CD226: variants seen among roughly 807,000 people sequenced by gnomAD.
CD226 encodes the protein CD226 antigen.
In CD226, 24 loss-of-function variants were observed where a neutral mutation model predicts 34.9. The ratio of observed to expected loss-of-function variants is 0.69; its 90% CI spans 0.50 to 0.97. CD226 has a LOEUF of 0.97. Among genes scored for constraint, CD226 ranks in the 50% least tolerant of loss-of-function variants. CD226 has a pLI of 0.00. For synonymous variants in CD226, 148 were observed against 147.4 expected (o/e 1.00, Z -0.03); for missense variants, 397 against 412.7 (o/e 0.96, Z 0.33).
intron 3 of CD226, among the ~76,000 whole-genome samples, chr18:69,895,124 G>A (rs1985191186): frequency 1.3e-5 from 2 of 152,142 alleles, no homozygotes; most frequent in Admixed American, 1.3e-4. Context: ...TTGGGGATCT[G>A]CAAGGTCAAA....
chr18:69,877,895 T>C (rs1373412289), intron 3 of CD226, among the ~76,000 whole-genome samples: 1 of 152,198 alleles, frequency 6.6e-6, no homozygotes, highest in Non-Finnish European at 1.5e-5. Context: ...TCCAGAGACA[T>C]TTCAATCTAG....
chr18:69,920,508 C>A (rs1324185512), intron 2 of CD226, among the ~76,000 whole-genome samples: 1 of 152,208 alleles, frequency 6.6e-6, no homozygotes, highest in Non-Finnish European at 1.5e-5. Context: ...TTTTTACTTA[C>A]ATGAAAATTC....
intron 2 of CD226, among the ~76,000 whole-genome samples, chr18:69,896,540 A>G (rs535694556): frequency 2.0e-5 from 3 of 152,090 alleles, no homozygotes; most frequent in Non-Finnish European, 2.9e-5. Flanking sequence ...TTTGTTTTTA[A>G]GTCCGGGAGA....
At chr18:69,879,223 C>A (rs563452218) in intron 3 of CD226, among the ~76,000 whole-genome samples, 1 of 152,108 alleles carries the variant, frequency 6.6e-6, no homozygotes, top group Non-Finnish European at 1.5e-5. Flanking sequence ...TAACAGGGTT[C>A]AAGAGCAGAG....
Position 69,864,209 on chromosome 18 carries a change from C to A in CD226, c.*105G>T. 1.1e-6 allele frequency: 1 copy of A among 928,866 alleles called. No individual in the cohort carries two copies. The highest frequency in any genetic ancestry group is 1.7e-5 in the South Asian group (1 of 58,508). The allele number at this position is 928,866 out of a possible 1,614,324, so 57.5% of individuals were successfully genotyped here. A position where few individuals can be genotyped will look rare whatever the true frequency, so the allele number is the denominator to read the frequency against. ...TCCTATCAAAGTAACTCAATTCAGACAACTAGTATCTAAGGTAGACCTTGG... is the reference window on the plus strand; with the variant it reads ...TCCTATCAAAGTAACTCAATTCAGAAAACTAGTATCTAAGGTAGACCTTGG... On this transcript the variant is annotated 3_prime_UTR_variant, in exon 6 of 6. Coordinates refer to ENST00000582621, the MANE Select transcript of CD226 (RefSeq NM_001303618.2).
At chr18:69,904,101 G>A (rs1394071210) in intron 2 of CD226, among the ~76,000 whole-genome samples, 4 of 152,096 alleles carry the variant, frequency 2.6e-5, no homozygotes, top group African/African-American at 9.7e-5. Flanking sequence ...CTAAAAGACC[G>A]CTTAACTGAA....
intron 2 of CD226, among the ~76,000 whole-genome samples, chr18:69,928,201 C>G (rs1175454002): frequency 6.6e-6 from 1 of 152,218 alleles, no homozygotes; most frequent in Non-Finnish European, 1.5e-5. Context: ...GGCAGCTGTT[C>G]TATTCTACTT....
chr18:69,898,692 T>C (rs916858850), intron 2 of CD226, among the ~76,000 whole-genome samples: 1 of 152,272 alleles, frequency 6.6e-6, no homozygotes, highest in Middle Eastern at 3.4e-3. Flanking sequence ...ACAGAGTAAC[T>C]GATTGGTGTT....
rs1982584365 is a variant in CD226, at chr18:69,855,460, A to C, written c.*8854T>G. On this transcript the variant is annotated 3_prime_UTR_variant, in exon 6 of 6. Transcript: ENST00000582621. ...AGGCCAATAGAAACTTTTCAAACTAAAATTCAAAGAGTGGGAAAAACCCAG... is the reference window on the plus strand; with the variant it reads ...AGGCCAATAGAAACTTTTCAAACTACAATTCAAAGAGTGGGAAAAACCCAG... The C allele has an allele frequency of 6.6e-6, 1 of 152,244 alleles. No homozygotes were observed. Among genetic ancestry groups the C allele is most frequent in the Admixed American group, 6.5e-5 (1 of 15,286 alleles). The allele number at this position is 152,244 out of a possible 1,614,324, so 9.4% of individuals were successfully genotyped here.
intron 2 of CD226, among the ~76,000 whole-genome samples, chr18:69,925,155 A>G (rs1432211404): frequency 6.6e-6 from 1 of 152,218 alleles, no homozygotes; most frequent in African/African-American, 2.4e-5. Flanking sequence ...CGATATTTGC[A>G]AATGGCCACC....
At chr18:69,914,462 T>A (rs528056802) in intron 2 of CD226, among the ~76,000 whole-genome samples, 27 of 152,348 alleles carry the variant, frequency 1.8e-4, no homozygotes, top group African/African-American at 6.3e-4. Context: ...TTGTGATAGT[T>A]CTGCCAGTTT....
chr18:69,889,458 G>T (rs150417762), intron 3 of CD226, among the ~76,000 whole-genome samples: 15 of 147,914 alleles, frequency 1.0e-4, no homozygotes, highest in Non-Finnish European at 1.6e-4. Context: ...ATAGGAGTGG[G>T]ACAGAAGGTT....
At chr18:69,958,373 A>G (rs1487687666), upstream of CD226, among the ~76,000 whole-genome samples, 2 of 152,086 alleles carry the variant, frequency 1.3e-5, no homozygotes, top group African/African-American at 2.4e-5. Flanking sequence ...CACAATCCCA[A>G]TTCCATCTTG....
Position 69,858,694 on chromosome 18 carries a change from C to A in CD226, c.*5620G>T. 6.7e-6 allele frequency: 1 copy of A among 148,778 alleles called. No individual in the cohort carries two copies. 9.2% of individuals were successfully genotyped at this position (148,778 alleles called of 1,614,324 possible). ...TCGGGTGTCCTGGGAATTCTATGAG[C>A]CACCCCTATGTTCAAATACTTAACT... On this transcript the variant is annotated 3_prime_UTR_variant, in exon 6 of 6. Transcript: ENST00000582621.
chr18:69,937,302 T>G (rs2055666686), intron 2 of CD226, among the ~76,000 whole-genome samples: 1 of 152,176 alleles, frequency 6.6e-6, no homozygotes, highest in South Asian at 2.1e-4. Context: ...CAAAGTAGGT[T>G]ACACTGGAGC....
chr18:69,946,953 T>A lies in CD226; in HGVS notation c.163A>T (p.Thr55Ser). 1 of 1,614,162 alleles carries A rather than the reference T, an allele frequency of 6.2e-7. No homozygotes were observed. The highest frequency in any genetic ancestry group is 8.5e-7 in the Non-Finnish European group (1 of 1,180,018). Residue 55 changes from threonine to serine, a missense_variant, in exon 2 of 6, where the codon ACC becomes TCC. Thr to Ser is a moderately conservative substitution (Grantham distance 58). Coordinates refer to ENST00000582621, the MANE Select transcript of CD226 (RefSeq NM_001303618.2). ...AAAATGGCTATGGAATCCTGCTGGG[T>A]CCCGATCTTGAACCACTCCACCTGT... Reference protein sequence around the residue: ...LTQVEWFKIGTQQDSIAIFSP... With the variant: ...LTQVEWFKIGSQQDSIAIFSP...
chr18:69,874,033 A>T (rs1983712631), intron 3 of CD226, among the ~76,000 whole-genome samples: 1 of 152,132 alleles, frequency 6.6e-6, no homozygotes, highest in East Asian at 1.9e-4. Context: ...TCAGAAAAAA[A>T]AAATGTTACT....
In CD226 at chr18:69,861,958, A is replaced by ACTC. The variant is rs1465979898; in HGVS notation, c.*2353_*2355dup. On this transcript the variant is annotated 3_prime_UTR_variant, in exon 6 of 6. Transcript: ENST00000582621. ...CTCCAAATTCCTGAAAAAACCCTAC[A>ACTC]CTCTGTAGAGGAAGAATATATAGAG... The ACTC allele has an allele frequency of 1.3e-5, 2 of 152,058 alleles. No homozygotes were observed. The highest frequency in any genetic ancestry group is 3.2e-3 in the Middle Eastern group (1 of 316). 9.4% of individuals were successfully genotyped at this position (152,058 alleles called of 1,614,324 possible). A position where few individuals can be genotyped will look rare whatever the true frequency, so the allele number is the denominator to read the frequency against.
chr18:69,880,150 GGAGA>G (rs1012507879), intron 3 of CD226, among the ~76,000 whole-genome samples: 6 of 150,758 alleles, frequency 4.0e-5, no homozygotes, highest in Non-Finnish European at 8.9e-5. Flanking sequence ...AAGAAAGAAA[GGAGA>G]GAGAGAGAGA....
Sources: gnomAD v4.1 joint callset for allele counts (sites outside exome capture counted in the v4.1 genomes callset) on GRCh38, gnomAD v4.1.1 for gene constraint, MANE v1.5 for transcripts, NCBI Gene and HGNC (gene_info 2026-07-23, HGNC 2026-07-21) for gene names.